IL7: variants seen among roughly 807,000 people sequenced by gnomAD.
IL7 encodes interleukin-7.
Under a neutral mutation model 21.6 loss-of-function variants are expected in IL7, and 3 were observed. The observed-to-expected ratio is 0.14, with a 90% CI of 0.06 to 0.36. The LOEUF (loss-of-function observed/expected upper bound fraction) is 0.36. Among genes scored for constraint, IL7 ranks in the 10% least tolerant of loss-of-function variants. The pLI, the probability that IL7 is intolerant of heterozygous loss-of-function variation, is 1.00. For missense variants in IL7, 175 were observed against 200.2 expected (o/e 0.87, Z 0.76); for synonymous variants, 62 against 68.1 (o/e 0.91, Z 0.44).
intron 3 of IL7, among the ~76,000 whole-genome samples, chr8:78,688,526 G>C (rs771551740): frequency 3.0e-4 from 46 of 152,178 alleles, no homozygotes; most frequent in Middle Eastern, 3.4e-3. Flanking sequence ...GACACTACCA[G>C]ATTTTTACAT....
chr8:78,797,786 A>C, intron 2 of IL7: 1 of 234,576 alleles, frequency 4.3e-6, no homozygotes. Context: ...GAGGTGAGGA[A>C]ATTTAGGCAG....
intron 2 of IL7, among the ~76,000 whole-genome samples, chr8:78,792,856 C>T (rs1032811832): frequency 5.9e-5 from 9 of 152,078 alleles, no homozygotes; most frequent in African/African-American, 1.9e-4. Context: ...TCTTTAGAAA[C>T]AGTTTGCAGT....
At chr8:78,792,973 A>G (rs1236096857) in intron 2 of IL7, among the ~76,000 whole-genome samples, 1 of 152,194 alleles carries the variant, frequency 6.6e-6, no homozygotes, top group East Asian at 1.9e-4. Flanking sequence ...TGGAAAACCC[A>G]AATGTCCAGA....
downstream of IL7, among the ~76,000 whole-genome samples, chr8:78,716,005 A>G (rs749212296): frequency 5.0e-5 from 7 of 138,928 alleles, no homozygotes; most frequent in African/African-American, 1.9e-4. Context: ...GGGCCACTGC[A>G]CTCCAGCCTC....
At chr8:78,782,863 T>A (rs1813385430) in intron 2 of IL7, among the ~76,000 whole-genome samples, 1 of 151,954 alleles carries the variant, frequency 6.6e-6, no homozygotes, top group South Asian at 2.1e-4. Flanking sequence ...CAGAGCTCTG[T>A]CCGTAAACCC....
rs145746665 is a variant in IL7 at position 78,684,049 on chromosome 8, G to T, written n.273+1840C>A. 6.5e-3 allele frequency among the ~76,000 whole-genome samples: 996 copies of T among 152,226 alleles called. 12 individuals carry two copies. Among genetic ancestry groups the T allele is most frequent in the African/African-American group, 0.022 (903 of 41,518 alleles). On this transcript the variant is annotated intron_variant and non_coding_transcript_variant, in intron 4 of 4. Transcript: ENST00000523959. ...TCAAAACCATTCAACAAGTTTCTAGGAAGTTCCAAACTTTCCCACATTTTT... is the reference window on the plus strand; with the variant it reads ...TCAAAACCATTCAACAAGTTTCTAGTAAGTTCCAAACTTTCCCACATTTTT...
intron 3 of IL7, among the ~76,000 whole-genome samples, chr8:78,700,762 T>A (rs1157941652): frequency 6.6e-6 from 1 of 152,234 alleles, no homozygotes; most frequent in African/African-American, 2.4e-5. Flanking sequence ...AAATAGGGAA[T>A]CCTTTTTCCA....
chr8:78,738,461 A>G (rs1268613641), intron 4 of IL7, 43 bp downstream of exon 4: 5 of 1,535,702 alleles, frequency 3.3e-6, no homozygotes, highest in Non-Finnish European at 4.5e-6. Context: ...TTGGCACAGG[A>G]GTATTTAATA....
chr8:78,759,083 T>C (rs965046338), intron 2 of IL7, among the ~76,000 whole-genome samples: 2 of 150,306 alleles, frequency 1.3e-5, no homozygotes, highest in East Asian at 4.1e-4. Flanking sequence ...TTTTTTAATC[T>C]GGCTTTGTTA....
intron 1 of IL7, 151 bp downstream of exon 1, chr8:78,804,762 T>C: frequency 1.2e-6 from 1 of 805,018 alleles, no homozygotes; most frequent in Non-Finnish European, 2.0e-6. Flanking sequence ...GGCTGTTGGC[T>C]GCCCATGGGA....
At chr8:78,746,136 A>G (rs1316312772) in intron 2 of IL7, among the ~76,000 whole-genome samples, 4 of 152,240 alleles carry the variant, frequency 2.6e-5, no homozygotes, top group Admixed American at 2.6e-4. Context: ...TTAGCCTACT[A>G]TAGAGAAGTA....
intron 4 of IL7, among the ~76,000 whole-genome samples, chr8:78,681,501 T>A (rs7842142): frequency 6.6e-6 from 1 of 151,934 alleles, no homozygotes. Context: ...TGCATTTATA[T>A]TAATCAGAGA....
At chr8:78,715,230 C>A (rs772062976), downstream of IL7, 46 of 1,613,306 alleles carry the variant, frequency 2.9e-5, no homozygotes, top group Non-Finnish European at 9.3e-6. Context: ...GAGCTAATGT[C>A]AAACCCCGAA....
intron 2 of IL7, among the ~76,000 whole-genome samples, chr8:78,786,117 A>G (rs1813502166): frequency 2.6e-5 from 4 of 152,168 alleles, no homozygotes; most frequent in Admixed American, 2.6e-4. Context: ...ATGATAGGGG[A>G]TATATTATGA....
intron 3 of IL7, among the ~76,000 whole-genome samples, chr8:78,708,933 T>C (rs190128292): frequency 1.4e-3 from 220 of 152,276 alleles, no homozygotes; most frequent in African/African-American, 5.0e-3. Context: ...CCCAAATTGC[T>C]GGGATTACAG....
intron 3 of IL7, among the ~76,000 whole-genome samples, chr8:78,690,794 T>G (rs926649528): frequency 1.3e-5 from 2 of 152,224 alleles, no homozygotes; most frequent in Non-Finnish European, 2.9e-5. Context: ...GTATATTATA[T>G]AGGTCATACA....
chr8:78,793,512 C>G (rs1813761143), intron 2 of IL7, among the ~76,000 whole-genome samples: 4 of 152,062 alleles, frequency 2.6e-5, no homozygotes, highest in Admixed American at 2.6e-4. Flanking sequence ...ACAATGTATA[C>G]ATTTTAATTT....
chr8:78,780,096 T>A (rs970369702), intron 2 of IL7, among the ~76,000 whole-genome samples: 18 of 152,186 alleles, frequency 1.2e-4, no homozygotes, highest in African/African-American at 3.9e-4. Flanking sequence ...ATCTTATCGT[T>A]TTATTGTGTA....
chr8:78,684,903 C>T (rs991838921), intron 4 of IL7, among the ~76,000 whole-genome samples: 5 of 152,030 alleles, frequency 3.3e-5, no homozygotes, highest in Admixed American at 6.5e-5. Flanking sequence ...TAGGTAGACT[C>T]GACCTAATAA....
Sources: allele counts gnomAD v4.1 joint callset (sites outside exome capture counted in the v4.1 genomes callset), GRCh38; gene constraint gnomAD v4.1.1; transcripts MANE v1.5; gene names NCBI Gene and HGNC (gene_info 2026-07-23, HGNC 2026-07-21).